The following LAS1L variants were observed in gnomAD, a reference collection of about 807,000 sequenced individuals.
LAS1L encodes the protein LAS1 like ribosome biogenesis factor.
A neutral mutation model predicts 57.3 loss-of-function variants in LAS1L; 5 were observed. The observed-to-expected ratio is 0.09, with a 90% CI of 0.05 to 0.18. The LOEUF is 0.18. Among genes scored for constraint, LAS1L ranks in the 10% least tolerant of loss-of-function variants. The probability of loss-of-function intolerance (pLI) is 1.00; values close to 1 mark genes in which losing one functional copy is unlikely to be tolerated. For synonymous variants in LAS1L, 245 were observed against 231.7 expected (o/e 1.06, Z -0.52); for missense variants, 360 against 568.3 (o/e 0.63, Z 3.73).
At chrX:65,534,340 G>T in intron 1 of LAS1L, 140 bp downstream of exon 1, 1 of 466,041 alleles carries the variant, frequency 2.1e-6, no homozygotes, top group Non-Finnish European at 3.7e-6. Context: ...TGGCTGCCGC[G>T]TTCCCCCAGG....
At chrX:65,528,441 T>G in intron 6 of LAS1L, 72 bp from the exon 7 acceptor site, 1 of 595,333 alleles carries the variant, frequency 1.7e-6, no homozygotes, top group Non-Finnish European at 2.8e-6. Context: ...CCAGGATCCC[T>G]TCCCATAGGA....
chrX:65,514,208 C>T (rs757971851), intron 13 of LAS1L, among the ~76,000 whole-genome samples: 1 of 111,599 alleles, frequency 9.0e-6, no homozygotes, highest in Admixed American at 9.4e-5. Flanking sequence ...ACTAGCATAG[C>T]CCCTCAGCAA....
At chrX:65,529,066 T>C (rs754939650) in intron 6 of LAS1L, 146 bp downstream of exon 6, 13 of 531,173 alleles carry the variant, frequency 2.4e-5, no homozygotes, top group Middle Eastern at 4.7e-4. Flanking sequence ...CCTTCCTAGT[T>C]CCCCCCTCTC....
In LAS1L at chrX:65,516,602, T is replaced by C. The variant is rs779347278; in HGVS notation, c.1927+1385A>G. Among the ~76,000 whole-genome samples, 9 of 106,600 alleles carry C rather than the reference T, an allele frequency of 8.4e-5. No individual in the cohort carries two copies. In the East Asian group the frequency reaches 2.4e-3, roughly 28 times the overall value. The allele number at this position is 106,600 out of a possible 115,157, so 92.6% of individuals were successfully genotyped here. The stretch of plus-strand genomic sequence containing the variant: ...AGCTGTACGACAGCCTGCTTGGCCA[T>C]GACTTAACTGCCCCTACTTTTCCCT... On this transcript the variant is annotated intron_variant, in intron 12 of 13. Coordinates refer to ENST00000374811, the MANE Select transcript of LAS1L (RefSeq NM_031206.7).
At chrX:65,526,009 T>C (rs1016241086) in intron 7 of LAS1L, among the ~76,000 whole-genome samples, 2 of 111,161 alleles carry the variant, frequency 1.8e-5, no homozygotes, top group African/African-American at 3.3e-5. Context: ...TCCCACAGTA[T>C]TAAGTTCTTG....
chrX:65,519,586 C>T (rs1489516589), intron 11 of LAS1L, among the ~76,000 whole-genome samples: 1 of 111,813 alleles, frequency 8.9e-6, no homozygotes. Flanking sequence ...ACACTGTGCA[C>T]ACAAAAGACG....
At chrX:65,520,739 C>T (rs1412364868) in intron 11 of LAS1L, 1 of 752,141 alleles carries the variant, frequency 1.3e-6, no homozygotes, top group Non-Finnish European at 1.6e-6. Flanking sequence ...TGTGTCGCAT[C>T]CCTCTGGTAT....
Position 65,516,046 on chromosome X carries a change from G to A in LAS1L, c.1928-1073C>T, listed in dbSNP as rs372921601. Among the ~76,000 whole-genome samples, 31 of 111,717 alleles carry A rather than the reference G, an allele frequency of 2.8e-4. 1 individual carries two copies. In the East Asian group the frequency reaches 4.2e-3, roughly 15 times the overall value. On this transcript the variant is annotated intron_variant, in intron 12 of 13. Coordinates refer to ENST00000374811, the MANE Select transcript of LAS1L (RefSeq NM_031206.7). ...GTGTTTTCAAATGAAGCCTTCACTG[G>A]TGCATTCCATGTAGATTCCATTTCT...
intron 1 of LAS1L, among the ~76,000 whole-genome samples, 158 bp downstream of exon 1, chrX:65,534,322 G>A (rs2069691339): frequency 8.9e-6 from 1 of 111,973 alleles, no homozygotes; most frequent in Non-Finnish European, 1.9e-5. Context: ...CGGGATTAGC[G>A]CAAGAGATGG....
At chrX:65,514,648 A>C (rs2068565317) in intron 13 of LAS1L, among the ~76,000 whole-genome samples, 175 bp downstream of exon 13, 1 of 109,983 alleles carries the variant, frequency 9.1e-6, no homozygotes, top group Non-Finnish European at 1.9e-5. Context: ...CTGGCTCCCC[A>C]CACTAGGGAC....
At chrX:65,526,940 G>A (rs906534268) in intron 7 of LAS1L, among the ~76,000 whole-genome samples, 2 of 110,503 alleles carry the variant, frequency 1.8e-5, no homozygotes, top group Non-Finnish European at 3.8e-5. Flanking sequence ...GGACGGGCGT[G>A]GTGGCTCACA....
chrX:65,524,376 A>C, intron 9 of LAS1L, 114 bp from the exon 10 acceptor site: 1 of 610,328 alleles, frequency 1.6e-6, no homozygotes, highest in Non-Finnish European at 2.7e-6. Context: ...GAGCAAGAGA[A>C]TGTGTGCGCG....
rs992864125 is a variant in LAS1L, at chrX:65,532,612, T to C, written c.381A>G (p.Ser127=). ...MALVRFVNLI[S]ERKTKFAKVP... is the part of the protein sequence containing the mutation. Reference sequence around the variant, plus strand: ...CCTTGGCAAACTTTGTCTTCCTCTCTGAGATAAGATTCACAAACCTGGAGT... The same window carrying C: ...CCTTGGCAAACTTTGTCTTCCTCTCCGAGATAAGATTCACAAACCTGGAGT... The change falls in exon 3 of 14, where the codon TCA becomes TCG. Residue 127 remains serine (S), a synonymous_variant. Coordinates refer to ENST00000374811, the MANE Select transcript of LAS1L (RefSeq NM_031206.7). 1.3e-5 allele frequency: 16 copies of C among 1,197,387 alleles called. No homozygotes were observed. Among genetic ancestry groups the C allele is most frequent in the Non-Finnish European group, 1.6e-5 (14 of 882,153 alleles).
rs907029938 is a variant in LAS1L at position 65,534,778 on chromosome X, C to T, written c.-63G>A. 3 of 940,316 alleles carry T rather than the reference C, an allele frequency of 3.2e-6. No individual in the cohort carries two copies. The highest frequency in any genetic ancestry group is 2.9e-6 in the Non-Finnish European group (2 of 680,703). 77.5% of individuals were successfully genotyped at this position (940,316 alleles called of 1,213,427 possible). ...GCACAGCCTTCAGCTCAGCGTGCTACCCTCACTCCGAACCGCCACCGCACC... is the reference window on the plus strand; with the variant it reads ...GCACAGCCTTCAGCTCAGCGTGCTATCCTCACTCCGAACCGCCACCGCACC... On this transcript the variant is annotated 5_prime_UTR_variant, in exon 1 of 14. Transcript: ENST00000374811.
intron 11 of LAS1L, chrX:65,520,542 T>C (rs2068808907): frequency 1.3e-6 from 1 of 753,512 alleles, no homozygotes; most frequent in Non-Finnish European, 1.6e-6. Context: ...CAGAAGAGCA[T>C]GGGACTAAGG....
chrX:65,520,399 T>C, intron 11 of LAS1L: 2 of 734,487 alleles, frequency 2.7e-6, no homozygotes, highest in Non-Finnish European at 3.2e-6. Flanking sequence ...AGTTAACCTC[T>C]ACAAAAAAAC....
chrX:65,520,791 A>G, intron 11 of LAS1L: 1 of 754,526 alleles, frequency 1.3e-6, no homozygotes, highest in Non-Finnish European at 1.6e-6. Context: ...GACTTCTCCG[A>G]GACCAGCAGC....
rs56718186 is a variant in LAS1L, at chrX:65,514,534, G to GCACACACACACA, written c.2078+277_2078+288dup. Among the ~76,000 whole-genome samples the GCACACACACACA allele has an allele frequency of 1.7e-3, 154 of 88,846 alleles. 4 individuals carry two copies. The highest frequency in any genetic ancestry group is 6.0e-3 in the African/African-American group (140 of 23,380). 77.2% of individuals were successfully genotyped at this position (88,846 alleles called of 115,157 possible). The stretch of plus-strand genomic sequence containing the variant: ...CCTCCCAAAATGTGTGTGTGTGCCT[G>GCACACACACACA]CACACACACACACACACACACACAC... On this transcript the variant is annotated intron_variant, in intron 13 of 13. Transcript: ENST00000374811.
chrX:65,513,501 G>A (rs548806784), intron 13 of LAS1L, among the ~76,000 whole-genome samples: 3 of 112,384 alleles, frequency 2.7e-5, no homozygotes, highest in African/African-American at 9.7e-5. Flanking sequence ...CCTACCCTCA[G>A]GCAGATCCAT....
Sources: allele counts gnomAD v4.1 joint callset (sites outside exome capture counted in the v4.1 genomes callset), GRCh38; gene constraint gnomAD v4.1.1; transcripts MANE v1.5; gene names NCBI Gene and HGNC (gene_info 2026-07-23, HGNC 2026-07-21).